Variants in AFF3 observed in about 807,000 individuals in gnomAD.
AFF3 encodes AF4/FMR2 family member 3.
A neutral mutation model predicts 129.7 loss-of-function variants in AFF3; 32 were observed. The observed-to-expected ratio is 0.25, with a 90% CI of 0.19 to 0.33. The LOEUF is 0.33. Among genes scored for constraint, AFF3 ranks in the 10% least tolerant of loss-of-function variants. The probability of loss-of-function intolerance (pLI) is 1.00; values close to 1 mark genes in which losing one functional copy is unlikely to be tolerated. For missense variants in AFF3, 1,373 were observed against 1,592.0 expected (o/e 0.86, Z 2.34); for synonymous variants, 644 against 635.4 (o/e 1.01, Z -0.20).
chr2:99,769,887 G>A (rs757386851), intron 8 of AFF3, among the ~76,000 whole-genome samples: 2 of 152,160 alleles, frequency 1.3e-5, no homozygotes, highest in African/African-American at 2.4e-5. Context: ...CTGGGGCTGG[G>A]GGTGGGGTGA....
At chr2:99,745,998 T>TA (rs931173055) in intron 9 of AFF3, among the ~76,000 whole-genome samples, 4 of 151,900 alleles carry the variant, frequency 2.6e-5, no homozygotes, top group East Asian at 1.9e-4. Flanking sequence ...GGACATGAGA[T>TA]AAAAAAACTA....
intron 15 of AFF3, among the ~76,000 whole-genome samples, chr2:99,590,177 G>A (rs1364322040): frequency 2.6e-5 from 4 of 152,248 alleles, no homozygotes; most frequent in South Asian, 4.1e-4. Flanking sequence ...CTACCTGGAT[G>A]AGGGATGGGC....
intron 12 of AFF3, among the ~76,000 whole-genome samples, chr2:99,655,075 A>G (rs1380984919): frequency 2.0e-5 from 3 of 152,146 alleles, no homozygotes; most frequent in Non-Finnish European, 2.9e-5. Context: ...AACAGAACTT[A>G]CGCCTGGAGA....
rs547216748 is a variant in AFF3, at chr2:100,076,543, G to GC, written c.53+27858dup. Among the ~76,000 whole-genome samples, 31 of 152,264 alleles carry GC rather than the reference G, an allele frequency of 2.0e-4. No individual in the cohort carries two copies. The East Asian group carries it at 5.2e-3, about 26-fold the overall frequency. ...AGGTCTCAAAACACCTATGGCTCCAGCCCCGGGAACCCATTTCCCTTTTCC... is the reference window on the plus strand; with the variant it reads ...AGGTCTCAAAACACCTATGGCTCCAGCCCCCGGGAACCCATTTCCCTTTTCC... On this transcript the variant is annotated intron_variant, in intron 4 of 24. Transcript: ENST00000672756.
At chr2:99,586,376 C>T (rs1012227342) in intron 16 of AFF3, among the ~76,000 whole-genome samples, 2 of 152,190 alleles carry the variant, frequency 1.3e-5, no homozygotes, top group Non-Finnish European at 1.5e-5. Flanking sequence ...CCAGTTCCCT[C>T]GCCAAGTTTT....
chr2:100,017,000 G>C (rs1411213526), intron 4 of AFF3, among the ~76,000 whole-genome samples: 1 of 151,624 alleles, frequency 6.6e-6, no homozygotes, highest in Non-Finnish European at 1.5e-5. Flanking sequence ...GATGGTGGTG[G>C]TTGTGATAAT....
intron 4 of AFF3, among the ~76,000 whole-genome samples, chr2:100,047,897 T>C (rs1472552395): frequency 6.6e-6 from 1 of 152,196 alleles, no homozygotes; most frequent in Non-Finnish European, 1.5e-5. Context: ...AGCACATATG[T>C]GCAATGAGGG....
chr2:99,575,309 G>T (rs1221529923), intron 18 of AFF3, among the ~76,000 whole-genome samples: 1 of 152,074 alleles, frequency 6.6e-6, no homozygotes, highest in Non-Finnish European at 1.5e-5. Context: ...GCCCAGATTG[G>T]AGTGCAATGG....
intron 22 of AFF3, among the ~76,000 whole-genome samples, 157 bp downstream of exon 22, chr2:99,558,718 G>A (rs182491739): frequency 5.3e-5 from 8 of 152,276 alleles, no homozygotes. Flanking sequence ...CCATTCTGAG[G>A]CCTGAAAGCC....
chr2:100,036,031 T>C (rs1324870800), intron 4 of AFF3, among the ~76,000 whole-genome samples: 1 of 148,274 alleles, frequency 6.7e-6, no homozygotes, highest in Admixed American at 6.9e-5. Context: ...AATCCTTTAA[T>C]CTACCTCTTG....
Position 99,611,068 on chromosome 2 carries a change from C to T in AFF3, c.1185-9447G>A, listed in dbSNP as rs553711168. Among the ~76,000 whole-genome samples, 5 of 152,264 alleles carry T rather than the reference C, an allele frequency of 3.3e-5. No homozygotes were observed. In the South Asian group the frequency reaches 1.0e-3, roughly 32 times the overall value. On this transcript the variant is annotated intron_variant, in intron 13 of 24. Transcript: ENST00000672756. Reference sequence around the variant, plus strand: ...GTTCAGTAATTCTTCCCTCTGTTCTCTTCATTCTGCGGTTGAGCTCATCCA... The same window carrying T: ...GTTCAGTAATTCTTCCCTCTGTTCTTTTCATTCTGCGGTTGAGCTCATCCA...
In AFF3 at chr2:99,593,728, C is replaced by G; in HGVS notation, c.1933G>C (p.Val645Leu). Residue 645 changes from valine to leucine, a missense_variant, in exon 15 of 25, where the codon GTG becomes CTG. Physicochemically the swap from Val to Leu is conservative, Grantham distance 32. This residue lies in a region of AFF3 where 466 missense variants were observed against 505.0 expected (regional missense o/e 0.92). Transcript: ENST00000672756. ...ASHRKELRSSVTCEKRRTRGL... is the reference protein window; with the variant it reads ...ASHRKELRSSLTCEKRRTRGL... ...CGCGTGCGGCGCTTCTCGCAGGTCA[C>G]GGAGGAGCGCAGCTCCTTGCGGTGG... 1.2e-6 allele frequency: 2 copies of G among 1,612,544 alleles called. No individual in the cohort carries two copies. Among genetic ancestry groups the G allele is most frequent in the African/African-American group, 1.3e-5 (1 of 75,066 alleles).
At chr2:99,632,519 G>C (rs181358590) in intron 13 of AFF3, among the ~76,000 whole-genome samples, 29 of 152,240 alleles carry the variant, frequency 1.9e-4, no homozygotes, top group African/African-American at 6.7e-4. Context: ...GGCATCACAC[G>C]GGGAGTGGTG....
chr2:99,760,105 C>T (rs1431389274), intron 8 of AFF3, among the ~76,000 whole-genome samples: 1 of 152,160 alleles, frequency 6.6e-6, no homozygotes, highest in African/African-American at 2.4e-5. Context: ...AAAGACAGTA[C>T]TGATTAATAT....
chr2:99,866,176 A>C (rs1691383610), intron 7 of AFF3, among the ~76,000 whole-genome samples: 1 of 152,200 alleles, frequency 6.6e-6, no homozygotes, highest in South Asian at 2.1e-4. Flanking sequence ...GTTTACAATC[A>C]TCTGTGAGTT....
intron 2 of AFF3, chr2:100,107,116 ATT>A (rs1385005681): frequency 6.1e-6 from 6 of 985,422 alleles, no homozygotes; most frequent in Non-Finnish European, 7.2e-6. Context: ...TGGATTGATT[ATT>A]TCCAGTGTTA....
chr2:99,689,597 TGA>T (rs1675397362), intron 11 of AFF3, among the ~76,000 whole-genome samples: 1 of 148,574 alleles, frequency 6.7e-6, no homozygotes. Flanking sequence ...CAGTACTGTC[TGA>T]GCCTTACTCC....
At chr2:99,565,009 G>T (rs996978032) in intron 20 of AFF3, among the ~76,000 whole-genome samples, 2 of 152,134 alleles carry the variant, frequency 1.3e-5, no homozygotes, top group Non-Finnish European at 2.9e-5. Flanking sequence ...ACCCAGGTTT[G>T]GGGATGGTGC....
intron 7 of AFF3, among the ~76,000 whole-genome samples, chr2:99,870,500 C>T (rs1691791786): frequency 6.6e-6 from 1 of 152,198 alleles, no homozygotes; most frequent in Non-Finnish European, 1.5e-5. Flanking sequence ...CTGAGAAGAA[C>T]CTGCACCAGC....
Sources: gnomAD v4.1 joint callset for allele counts (sites outside exome capture counted in the v4.1 genomes callset) on GRCh38, gnomAD v4.1.1 for gene constraint, gnomAD v4.1.1 regional missense constraint, MANE v1.5 for transcripts, NCBI Gene and HGNC (gene_info 2026-07-23, HGNC 2026-07-21) for gene names.